The following DNAH14 variants were observed in gnomAD, a reference collection of about 807,000 sequenced individuals.
DNAH14 encodes the protein axonemal beta dynein heavy chain 14.
A neutral mutation model predicts 520.9 loss-of-function variants in DNAH14; 478 were observed. The ratio of observed to expected loss-of-function variants is 0.92; its 90% confidence interval spans 0.85 to 0.99. The LOEUF is 0.99. DNAH14 is among the 50% of genes least tolerant of loss of function. The pLI is 0.00. For missense variants in DNAH14, 4,831 were observed against 5,234.5 expected (o/e 0.92, Z 2.38); for synonymous variants, 1,581 against 1,757.2 (o/e 0.90, Z 2.51).
At chr1:225,175,495 TTTC>T (rs2083209908) in intron 36 of DNAH14, among the ~76,000 whole-genome samples, 1 of 152,014 alleles carries the variant, frequency 6.6e-6, no homozygotes, top group African/African-American at 2.4e-5. Flanking sequence ...ATGTCTCCTT[TTTC>T]TTCTCTGATT....
intron 61 of DNAH14, among the ~76,000 whole-genome samples, chr1:225,321,913 G>A (rs1248477886): frequency 6.6e-6 from 1 of 152,062 alleles, no homozygotes; most frequent in Admixed American, 6.6e-5. Flanking sequence ...TTTAAGGGGA[G>A]TTGGCTGTTA....
At chr1:225,359,565 T>A (rs531154236) in intron 74 of DNAH14, among the ~76,000 whole-genome samples, 3 of 152,346 alleles carry the variant, frequency 2.0e-5, no homozygotes, top group Non-Finnish European at 4.4e-5. Flanking sequence ...TTAGAATTCA[T>A]CATTTCAAAC....
chr1:224,977,312 G>A (rs1419852215), intron 8 of DNAH14, among the ~76,000 whole-genome samples: 1 of 137,044 alleles, frequency 7.3e-6, no homozygotes, highest in East Asian at 2.3e-4. Flanking sequence ...ACAGGAAGGG[G>A]AACATCACAC....
chr1:224,954,237 A>G lies in DNAH14; in HGVS notation c.78-722A>G, dbSNP rs145903891. Among the ~76,000 whole-genome samples, 392 of 152,298 alleles carry G rather than the reference A, an allele frequency of 2.6e-3. 4 individuals carry two copies. Among genetic ancestry groups the G allele is most frequent in the East Asian group, 0.022 (114 of 5,192 alleles). On this transcript the variant is annotated intron_variant, in intron 2 of 85. Coordinates refer to ENST00000682510, the MANE Select transcript of DNAH14 (RefSeq NM_001367479.1). ...AGGATTTAAGAATAATACCTAATAA[A>G]TGATCTATAAATAAGTTCAAAGACA...
In DNAH14 at chr1:225,079,672, CTTTTT is replaced by C. The variant is rs58242386; in HGVS notation, c.2766+139_2766+143del. 6.6e-4 allele frequency: 215 copies of C among 326,596 alleles called. 1 individual carries two copies. In the Middle Eastern group the frequency reaches 7.3e-3, roughly 11 times the overall value. 20.2% of individuals were successfully genotyped at this position (326,596 alleles called of 1,614,324 possible). ...GGCTAAATAGTTTAATACAAGTATT[CTTTTT>C]TTTTTTTTTTTTTTGAGATGGAGTC... is the stretch of plus-strand genomic sequence containing the variant. On this transcript the variant is annotated intron_variant, in intron 18 of 85. Transcript: ENST00000682510.
chr1:225,185,174 A>G (rs1168854002), intron 36 of DNAH14, 117 bp from the exon 37 acceptor site: 16 of 1,149,092 alleles, frequency 1.4e-5, no homozygotes, highest in Non-Finnish European at 1.9e-5. Context: ...CCAAATAAAG[A>G]ACACAAACTC....
intron 8 of DNAH14, among the ~76,000 whole-genome samples, chr1:224,988,788 G>A (rs1303410285): frequency 6.6e-6 from 1 of 152,168 alleles, no homozygotes; most frequent in Non-Finnish European, 1.5e-5. Flanking sequence ...TGGGACTACA[G>A]GCATGTGCCA....
chr1:225,204,649 AC>A (rs2087295416), intron 39 of DNAH14, among the ~76,000 whole-genome samples: 1 of 152,214 alleles, frequency 6.6e-6, no homozygotes, highest in African/African-American at 2.4e-5. Context: ...GCCAAAGCAT[AC>A]AACCCAAGTA....
At chr1:225,359,395 A>G (rs1409533267) in intron 74 of DNAH14, among the ~76,000 whole-genome samples, 2 of 152,316 alleles carry the variant, frequency 1.3e-5, no homozygotes, top group South Asian at 2.1e-4. Flanking sequence ...AAAATAAACT[A>G]TCAAAAATTG....
intron 43 of DNAH14, among the ~76,000 whole-genome samples, chr1:225,242,304 AT>A (rs1173819212): frequency 6.6e-6 from 1 of 152,014 alleles, no homozygotes; most frequent in Non-Finnish European, 1.5e-5. Context: ...TAAAATTTTA[AT>A]TTTTTTCACT....
At chr1:225,241,692 A>T (rs1418519702) in intron 43 of DNAH14, among the ~76,000 whole-genome samples, 1 of 152,240 alleles carries the variant, frequency 6.6e-6, no homozygotes, top group Non-Finnish European at 1.5e-5. Flanking sequence ...ATTGTAACAA[A>T]CTAGTATTTG....
chr1:224,991,631 A>C (rs1355434181), intron 8 of DNAH14, among the ~76,000 whole-genome samples: 1 of 152,108 alleles, frequency 6.6e-6, no homozygotes, highest in East Asian at 1.9e-4. Flanking sequence ...GTCCGTGACA[A>C]CACCTGCCTA....
chr1:225,301,589 G>A (rs1158922506), intron 56 of DNAH14, among the ~76,000 whole-genome samples: 1 of 152,164 alleles, frequency 6.6e-6, no homozygotes, highest in Non-Finnish European at 1.5e-5. Flanking sequence ...CTGTGTCTTT[G>A]AGACATGATG....
Position 225,206,004 on chromosome 1 carries a change from C to T in DNAH14, c.6011C>T (p.Pro2004Leu). ...TGGCAGTGGATTATCCTAGATGGCC[C>T]AGTGGACACCTTTTGGGTAGAAAAT... ...FDWQWIILDG[P>L]VDTFWVENLN... Residue 2004 changes from proline (P) to leucine (L), a missense_variant, in exon 40 of 86, where the codon CCA (proline) becomes CTA (leucine). Physicochemically the swap from Pro to Leu is moderately conservative, Grantham distance 98 (BLOSUM62 -3). Coordinates refer to ENST00000682510, the MANE Select transcript of DNAH14 (RefSeq NM_001367479.1). 1 of 1,551,528 alleles carries T rather than the reference C, an allele frequency of 6.4e-7. No individual in the cohort carries two copies. The highest frequency in any genetic ancestry group is 2.4e-5 in the East Asian group (1 of 40,902).
chr1:225,126,681 G>T (rs866673878), intron 27 of DNAH14, among the ~76,000 whole-genome samples: 3 of 151,940 alleles, frequency 2.0e-5, no homozygotes, highest in South Asian at 2.1e-4. Context: ...TTAATTTTTT[G>T]AAGGGTTTTT....
At chr1:225,300,715 G>A (rs1018605312) in intron 55 of DNAH14, among the ~76,000 whole-genome samples, 154 bp from the exon 56 acceptor site, 11 of 151,546 alleles carry the variant, frequency 7.3e-5, no homozygotes, top group Non-Finnish European at 1.5e-4. Context: ...AAAAAAAAAG[G>A]TGGGGGGTGG....
chr1:225,151,445 G>C (rs2080492517), intron 31 of DNAH14, among the ~76,000 whole-genome samples: 1 of 152,112 alleles, frequency 6.6e-6, no homozygotes, highest in Non-Finnish European at 1.5e-5. Flanking sequence ...TTGTTTTCCT[G>C]TTTTCACCAC....
intron 4 of DNAH14, among the ~76,000 whole-genome samples, chr1:224,962,153 C>G (rs2060885329): frequency 1.3e-5 from 2 of 151,506 alleles, no homozygotes; most frequent in Admixed American, 6.7e-5. Flanking sequence ...TTCTAAGATG[C>G]CCTCCAGTAT....
At chr1:224,973,256 G>A (rs986233134) in intron 7 of DNAH14, among the ~76,000 whole-genome samples, 4 of 152,184 alleles carry the variant, frequency 2.6e-5, no homozygotes, top group Admixed American at 2.0e-4. Context: ...ATTAGCCAAC[G>A]TCATCACTAG....
Sources: allele counts gnomAD v4.1 joint callset (sites outside exome capture counted in the v4.1 genomes callset), GRCh38; gene constraint gnomAD v4.1.1; transcripts MANE v1.5; gene names NCBI Gene and HGNC (gene_info 2026-07-23, HGNC 2026-07-21).